CSMD1: variants seen among roughly 807,000 people sequenced by gnomAD.
CSMD1 encodes the protein CUB and sushi domain-containing protein 1.
A neutral mutation model predicts 417.5 loss-of-function variants in CSMD1; 213 were observed. The ratio of observed to expected loss-of-function variants is 0.51; its 90% CI spans 0.46 to 0.57. The LOEUF (loss-of-function observed/expected upper bound fraction) is 0.57. Among genes scored for constraint, CSMD1 ranks in the 20% least tolerant of loss-of-function variants. The pLI, the probability that CSMD1 is intolerant of heterozygous loss-of-function variation, is 0.00. For missense variants in CSMD1, 6,923 were observed against 4,529.7 expected (o/e 1.53, Z -15.17); for synonymous variants, 2,862 against 1,736.8 (o/e 1.65, Z -16.11).
chr8:4,329,764 G>A (rs1046752859), intron 3 of CSMD1, among the ~76,000 whole-genome samples: 4 of 152,060 alleles, frequency 2.6e-5, no homozygotes, highest in East Asian at 3.9e-4. Flanking sequence ...AATGGCTTGG[G>A]CCATCCCCTT....
intron 1 of CSMD1, among the ~76,000 whole-genome samples, chr8:4,783,473 C>G (rs757992509): frequency 2.0e-5 from 3 of 152,138 alleles, no homozygotes; most frequent in Non-Finnish European, 4.4e-5. Context: ...ACAATGTATC[C>G]AAGATTAAAC....
intron 12 of CSMD1, among the ~76,000 whole-genome samples, chr8:3,458,840 C>A (rs1422691605): frequency 6.6e-6 from 1 of 152,188 alleles, no homozygotes; most frequent in African/African-American, 2.4e-5. Flanking sequence ...GGGGCTCTTT[C>A]TCAAGGACTC....
At chr8:3,265,537 G>T (rs888632087) in intron 26 of CSMD1, among the ~76,000 whole-genome samples, 4 of 152,124 alleles carry the variant, frequency 2.6e-5, no homozygotes. Flanking sequence ...TTAGAGAGAG[G>T]GAGTAGCACA....
At chr8:4,562,961 G>A (rs73661537) in intron 2 of CSMD1, among the ~76,000 whole-genome samples, 12 of 152,092 alleles carry the variant, frequency 7.9e-5, no homozygotes, top group Admixed American at 3.3e-4. Flanking sequence ...AGTTGTCACA[G>A]GTAAGCAAAA....
At chr8:3,965,692 A>G (rs1812637318) in intron 5 of CSMD1, among the ~76,000 whole-genome samples, 1 of 152,040 alleles carries the variant, frequency 6.6e-6, no homozygotes, top group South Asian at 2.1e-4. Context: ...ATCTCAGCTC[A>G]CTACAACCTC....
At chr8:4,273,147 C>G (rs919425745) in intron 3 of CSMD1, among the ~76,000 whole-genome samples, 1 of 152,106 alleles carries the variant, frequency 6.6e-6, no homozygotes, top group African/African-American at 2.4e-5. Context: ...TTACCATTTA[C>G]TCTTACCTTT....
intron 5 of CSMD1, among the ~76,000 whole-genome samples, chr8:3,826,663 T>G (rs1435847535): frequency 1.3e-5 from 2 of 152,220 alleles, no homozygotes; most frequent in Non-Finnish European, 2.9e-5. Context: ...AGCTCGGGCA[T>G]GGGTTTTGAG....
chr8:3,673,216 G>C (rs1799173723), intron 7 of CSMD1, among the ~76,000 whole-genome samples: 1 of 152,154 alleles, frequency 6.6e-6, no homozygotes, highest in Non-Finnish European at 1.5e-5. Context: ...CCCTGTGCAT[G>C]AACCACAATA....
At chr8:3,906,813 T>C (rs1356964261) in intron 5 of CSMD1, among the ~76,000 whole-genome samples, 1 of 152,170 alleles carries the variant, frequency 6.6e-6, no homozygotes, top group African/African-American at 2.4e-5. Flanking sequence ...TATATATGAA[T>C]ACATAGGCAT....
chr8:4,424,863 G>C (rs1011229788), intron 2 of CSMD1, among the ~76,000 whole-genome samples: 4 of 151,904 alleles, frequency 2.6e-5, no homozygotes, highest in African/African-American at 9.7e-5. Flanking sequence ...GAAACTCTTT[G>C]TATAATTTCT....
chr8:4,238,742 T>C (rs1206339503), intron 3 of CSMD1, among the ~76,000 whole-genome samples: 1 of 152,184 alleles, frequency 6.6e-6, no homozygotes, highest in Non-Finnish European at 1.5e-5. Flanking sequence ...TTGCTTCCAA[T>C]TAAAGTTTTC....
chr8:4,462,980 T>A (rs1799928908), intron 2 of CSMD1, among the ~76,000 whole-genome samples: 2 of 152,146 alleles, frequency 1.3e-5, no homozygotes, highest in South Asian at 4.1e-4. Context: ...TTAAACTTTG[T>A]ATTTCAAAAA....
intron 41 of CSMD1, among the ~76,000 whole-genome samples, chr8:3,140,759 T>C (rs891838552): frequency 1.3e-5 from 2 of 152,042 alleles, no homozygotes; most frequent in Non-Finnish European, 2.9e-5. Flanking sequence ...AGATTTAACG[T>C]TTTCAACCTC....
At chr8:4,340,674 T>G (rs1051656097) in intron 3 of CSMD1, among the ~76,000 whole-genome samples, 1 of 151,866 alleles carries the variant, frequency 6.6e-6, no homozygotes, top group Non-Finnish European at 1.5e-5. Flanking sequence ...ACCTAGAGAG[T>G]AGGCTGGAGT....
At chr8:3,261,543 G>C (rs7820340) in intron 26 of CSMD1, among the ~76,000 whole-genome samples, 1 of 151,946 alleles carries the variant, frequency 6.6e-6, no homozygotes, top group East Asian at 1.9e-4. Context: ...GAAAACCTGC[G>C]CGTGAATGTT....
chr8:3,687,019 G>A (rs1039419855), intron 7 of CSMD1, among the ~76,000 whole-genome samples: 1 of 152,222 alleles, frequency 6.6e-6, no homozygotes, highest in Non-Finnish European at 1.5e-5. Flanking sequence ...GACTGGTCAA[G>A]TAGGGGTGGA....
At chr8:4,899,519 TAAG>T (rs1163598218) in intron 1 of CSMD1, among the ~76,000 whole-genome samples, 2 of 152,144 alleles carry the variant, frequency 1.3e-5, no homozygotes, top group Non-Finnish European at 2.9e-5. Context: ...TCTCACAAAA[TAAG>T]AAGCAAATGA....
chr8:3,525,053 T>A (rs1797698150), intron 10 of CSMD1, among the ~76,000 whole-genome samples: 1 of 152,152 alleles, frequency 6.6e-6, no homozygotes, highest in Admixed American at 6.5e-5. Flanking sequence ...CAACGCCGAA[T>A]AAACTCTATC....
At chr8:3,444,707 C>G (rs780382661) in intron 12 of CSMD1, among the ~76,000 whole-genome samples, 22 of 152,150 alleles carry the variant, frequency 1.4e-4, no homozygotes, top group Non-Finnish European at 2.6e-4. Context: ...TGAAAACTTC[C>G]TATTCTGAAT....
Sources: allele counts gnomAD v4.1 joint callset (sites outside exome capture counted in the v4.1 genomes callset), GRCh38; gene constraint gnomAD v4.1.1; transcripts MANE v1.5; gene names NCBI Gene and HGNC (gene_info 2026-07-23, HGNC 2026-07-21).